The following LAMP2 variants were observed in gnomAD, a reference collection of about 807,000 sequenced individuals.
LAMP2 encodes lysosome-associated membrane glycoprotein 2.
In LAMP2, 4 loss-of-function variants were observed where a neutral mutation model predicts 25.6. The ratio of observed to expected loss-of-function variants is 0.16; its 90% CI spans 0.08 to 0.36. LAMP2 has a LOEUF of 0.36. LAMP2 is among the 10% of genes least tolerant of loss of function. The pLI is 1.00. For missense variants in LAMP2, 272 were observed against 301.4 expected, an observed-to-expected ratio of 0.90 and a Z score of 0.72; for synonymous variants, 108 against 112.7, an observed-to-expected ratio of 0.96 and a Z score of 0.27.
chrX:120,436,772 T>C (rs1001570359), intron 8 of LAMP2: 3 of 701,182 alleles, frequency 4.3e-6, no homozygotes, highest in Admixed American at 8.8e-5. Flanking sequence ...ATAGTGTAAA[T>C]AGCAGTATAT....
chrX:120,444,890 T>C (rs1411696724), intron 6 of LAMP2, among the ~76,000 whole-genome samples: 1 of 112,124 alleles, frequency 8.9e-6, no homozygotes, highest in African/African-American at 3.2e-5. Flanking sequence ...TGGGCCCCAC[T>C]GAACTCTGGG....
chrX:120,430,465 A>G lies in LAMP2; in HGVS notation c.*858T>C. The G allele has an allele frequency of 4.0e-6, 3 of 752,717 alleles. 1 individual carries two copies. Among genetic ancestry groups the G allele is most frequent in the Non-Finnish European group, 1.6e-6 (1 of 637,423 alleles). The allele number at this position is 752,717 out of a possible 1,213,427, so 62.0% of individuals were successfully genotyped here. A position where few individuals can be genotyped will look rare whatever the true frequency, so the allele number is the denominator to read the frequency against. Reference sequence around the variant, plus strand: ...TCCAGAGATCAACAAGATGAGGTAGAGAAACACAACACAATCTGTCCTAAT... The same window carrying G: ...TCCAGAGATCAACAAGATGAGGTAGGGAAACACAACACAATCTGTCCTAAT... On this transcript the variant is annotated 3_prime_UTR_variant, in exon 9 of 9. Transcript: ENST00000200639.
rs186556741 is a variant in LAMP2 at position 120,438,570 on chromosome X, T to C, written c.1093+3160A>G. 2.1e-4 allele frequency: 159 copies of C among 750,187 alleles called. No individual in the cohort carries two copies. In the African/African-American group the frequency reaches 3.3e-3, roughly 16 times the overall value. The allele number at this position is 750,187 out of a possible 1,213,427, so 61.8% of individuals were successfully genotyped here. Reference sequence around the variant, plus strand: ...AAATACAAATGTATTCAAAAGGCATTAGAAAAGCATTTATTGCTAAGAACA... The same window carrying C: ...AAATACAAATGTATTCAAAAGGCATCAGAAAAGCATTTATTGCTAAGAACA... On this transcript the variant is annotated intron_variant, in intron 8 of 8. Coordinates refer to ENST00000200639, the MANE Select transcript of LAMP2 (RefSeq NM_002294.3).
intron 8 of LAMP2, among the ~76,000 whole-genome samples, chrX:120,432,757 G>A (rs2058527644): frequency 1.8e-5 from 2 of 111,125 alleles, no homozygotes; most frequent in African/African-American, 3.3e-5. Context: ...AAAAGGATAC[G>A]TGGAAGAGAG....
chrX:120,437,068 G>A (rs1421727723), intron 8 of LAMP2: 2 of 745,989 alleles, frequency 2.7e-6, no homozygotes, highest in African/African-American at 2.3e-5. Flanking sequence ...AATTAAAAAC[G>A]ATTTTGAAAA....
Position 120,430,979 on chromosome X carries a change from A to G in LAMP2, c.*344T>C. ...TTATTAATTCCATTAAGACACAACT[A>G]CATATTTTATTCTTATAATGGCCAT... is the stretch of plus-strand genomic sequence containing the variant. On this transcript the variant is annotated 3_prime_UTR_variant, in exon 9 of 9. Coordinates refer to ENST00000200639, the MANE Select transcript of LAMP2 (RefSeq NM_002294.3). 1.2e-6 allele frequency: 1 copy of G among 847,294 alleles called. No individual in the cohort carries two copies. Among genetic ancestry groups the G allele is most frequent in the African/African-American group, 2.1e-5 (1 of 47,164 alleles). The allele number at this position is 847,294 out of a possible 1,213,427, so 69.8% of individuals were successfully genotyped here.
chrX:120,434,249 A>G (rs982143672), intron 8 of LAMP2, among the ~76,000 whole-genome samples: 6 of 112,126 alleles, frequency 5.4e-5, no homozygotes, highest in Non-Finnish European at 1.1e-4. Context: ...CAAATTGGGT[A>G]TTTGACCTAG....
At chrX:120,462,357 C>T (rs185388562) in intron 1 of LAMP2, among the ~76,000 whole-genome samples, 13 of 109,346 alleles carry the variant, frequency 1.2e-4, no homozygotes, top group Non-Finnish European at 2.3e-4. Context: ...CCCATCTATA[C>T]TAAAAATACA....
At chrX:120,465,370 A>G (rs1921493469) in intron 1 of LAMP2, among the ~76,000 whole-genome samples, 1 of 111,827 alleles carries the variant, frequency 8.9e-6, no homozygotes, top group African/African-American at 3.3e-5. Flanking sequence ...ATAAGAATCA[A>G]TAACCACAGA....
At chrX:120,467,922 C>T (rs1602546858) in intron 1 of LAMP2, among the ~76,000 whole-genome samples, 1 of 111,216 alleles carries the variant, frequency 9.0e-6, no homozygotes, top group Admixed American at 9.6e-5. Flanking sequence ...GCCACGACGC[C>T]CGGCTAATTT....
chrX:120,450,277 G>A (rs755979537), intron 3 of LAMP2, among the ~76,000 whole-genome samples: 223 of 112,004 alleles, frequency 2.0e-3, no homozygotes, highest in Non-Finnish European at 2.6e-3. Context: ...TTTTGGAGAA[G>A]TAGCAAGAAA....
At position 120,429,656 on chromosome X, in the gene LAMP2, C is replaced by T; in HGVS notation, c.*1667G>A. 4.0e-6 allele frequency: 3 copies of T among 753,076 alleles called. No homozygotes were observed. Among genetic ancestry groups the T allele is most frequent in the Non-Finnish European group, 4.7e-6 (3 of 638,897 alleles). 62.1% of individuals were successfully genotyped at this position (753,076 alleles called of 1,213,427 possible). A position where few individuals can be genotyped will look rare whatever the true frequency, so the allele number is the denominator to read the frequency against. ...ACTTAAGCAAAACATAGTACGGAAG[C>T]CCAAAGTGCCCAATTCTGATCTCAT... On this transcript the variant is annotated 3_prime_UTR_variant, in exon 9 of 9. Transcript: ENST00000200639.
chrX:120,462,518 T>C (rs867740412), intron 1 of LAMP2, among the ~76,000 whole-genome samples: 2 of 40,726 alleles, frequency 4.9e-5, no homozygotes, highest in Non-Finnish European at 1.0e-4. Context: ...CAAGACCCTG[T>C]CAAAAAAAAA....
intron 1 of LAMP2, among the ~76,000 whole-genome samples, chrX:120,467,170 T>C (rs1284272836): frequency 9.2e-6 from 1 of 108,511 alleles, no homozygotes; most frequent in African/African-American, 3.4e-5. Context: ...CTTAACCTTA[T>C]TCCGAAGTTT....
At chrX:120,446,467 A>G (rs2058596966) in intron 5 of LAMP2, 40 bp from the exon 6 acceptor site, 2 of 1,200,044 alleles carry the variant, frequency 1.7e-6, no homozygotes, top group Non-Finnish European at 2.3e-6. Flanking sequence ...CAGGTTAGCT[A>G]TAAAAGTGGC....
Position 120,429,116 on chromosome X carries a change from ATGTGTATATATATGTGTG to A in LAMP2, c.*2189_*2206del, listed in dbSNP as rs1442685376. On this transcript the variant is annotated 3_prime_UTR_variant, in exon 9 of 9. Coordinates refer to ENST00000200639, the MANE Select transcript of LAMP2 (RefSeq NM_002294.3). ...TATATATATGTGTATATATATGTAT[ATGTGTATATATATGTGTG>A]TGTGTATATATATGTGTGTGTGTGT... 11 of 602,296 alleles carry A rather than the reference ATGTGTATATATATGTGTG, an allele frequency of 1.8e-5. No homozygotes were observed. Among genetic ancestry groups the A allele is most frequent in the South Asian group, 8.7e-5 (1 of 11,538 alleles). The allele number at this position is 602,296 out of a possible 1,213,427, so 49.6% of individuals were successfully genotyped here.
Position 120,462,572 on chromosome X carries a change from T to A in LAMP2, c.65-5803A>T, listed in dbSNP as rs942741384. On this transcript the variant is annotated intron_variant, in intron 1 of 8. Coordinates refer to ENST00000200639, the MANE Select transcript of LAMP2 (RefSeq NM_002294.3). ...AGAACACAGACCTTACTTCCCCAAG[T>A]GTATGACACTGCAAAAAGTGGCTAG... Among the ~76,000 whole-genome samples the A allele has an allele frequency of 2.8e-5, 3 of 106,323 alleles. No homozygotes were observed. The Admixed American group carries it at 3.0e-4, about 11-fold the overall frequency. 92.3% of individuals were successfully genotyped at this position (106,323 alleles called of 115,157 possible).
intron 8 of LAMP2, among the ~76,000 whole-genome samples, chrX:120,441,247 T>G (rs974178772): frequency 1.8e-5 from 2 of 112,344 alleles, no homozygotes; most frequent in Non-Finnish European, 3.8e-5. Context: ...AAAGCGTCAT[T>G]CACACTGGCA....
In LAMP2 at chrX:120,469,100, A is replaced by G. The variant is rs1921660826; in HGVS notation, c.64+6T>C. On this transcript the variant is annotated splice_donor_region_variant and intron_variant, in intron 1 of 8. Transcript: ENST00000200639. ...ACAGACTAATCGGGAGGGCCCGACA[A>G]CTCACCCAGGACTAGGCAGACCAGA... 2.5e-6 allele frequency: 3 copies of G among 1,209,306 alleles called. No individual in the cohort carries two copies. The highest frequency in any genetic ancestry group is 3.5e-5 in the African/African-American group (2 of 57,250).
Sources: allele counts gnomAD v4.1 joint callset (sites outside exome capture counted in the v4.1 genomes callset), GRCh38; gene constraint gnomAD v4.1.1; transcripts MANE v1.5; gene names NCBI Gene and HGNC (gene_info 2026-07-23, HGNC 2026-07-21).